The following MAOA variants were observed in gnomAD, a reference collection of about 807,000 sequenced individuals.
The protein encoded by MAOA is monoamine oxidase A.
Under a neutral mutation model 42.0 loss-of-function variants are expected in MAOA, and 6 were observed. That is an observed-to-expected ratio of 0.14 (90% confidence interval 0.08 to 0.28). The LOEUF (loss-of-function observed/expected upper bound fraction) is 0.28, where lower values mean the gene tolerates loss of function less well. Ranked by LOEUF, MAOA falls within the 10% of genes least tolerant of loss-of-function variation. The pLI, the probability that MAOA is intolerant of heterozygous loss-of-function variation, is 1.00. For missense variants in MAOA, 262 were observed against 422.3 expected (o/e 0.62, Z 3.33); for synonymous variants, 140 against 154.0 (o/e 0.91, Z 0.67).
At chrX:43,691,452 A>C (rs1398058100) in intron 2 of MAOA, among the ~76,000 whole-genome samples, 1 of 112,329 alleles carries the variant, frequency 8.9e-6, no homozygotes. Flanking sequence ...AAATGAAAAG[A>C]AGATGCCATG....
chrX:43,657,881 A>G (rs1254099551), intron 1 of MAOA: 1 of 750,591 alleles, frequency 1.3e-6, no homozygotes, highest in Non-Finnish European at 1.6e-6. Flanking sequence ...AGAGATTGGC[A>G]TGAACTGTTG....
rs2033391703 is a variant in MAOA, at chrX:43,675,995, G to T, written c.74-7518G>T. On this transcript the variant is annotated intron_variant, in intron 1 of 14. Coordinates refer to ENST00000338702, the MANE Select transcript of MAOA (RefSeq NM_000240.4). ...AAAACTGTCAGACAGGGACATTTAAGTCTGCAGAGGTTACTGCTGTCTTTT... is the reference window on the plus strand; with the variant it reads ...AAAACTGTCAGACAGGGACATTTAATTCTGCAGAGGTTACTGCTGTCTTTT... Among the ~76,000 whole-genome samples the T allele has an allele frequency of 1.8e-5, 2 of 112,302 alleles. 1 individual carries two copies. The highest frequency in any genetic ancestry group is 7.3e-4 in the South Asian group (2 of 2,733).
chrX:43,696,397 A>C (rs2033579024), intron 3 of MAOA, among the ~76,000 whole-genome samples: 1 of 112,389 alleles, frequency 8.9e-6, no homozygotes, highest in South Asian at 3.6e-4. Context: ...TGGTAGCCCG[A>C]GGCTGCTTTC....
intron 5 of MAOA, among the ~76,000 whole-genome samples, chrX:43,725,126 G>T (rs1050967252): frequency 8.9e-6 from 1 of 111,863 alleles, no homozygotes; most frequent in East Asian, 2.8e-4. Context: ...GTGTGATGTG[G>T]TACTGAGAAG....
At chrX:43,657,977 A>G (rs1195000728) in intron 1 of MAOA, 34 of 683,835 alleles carry the variant, frequency 5.0e-5, no homozygotes, top group Non-Finnish European at 1.7e-6. Context: ...AGAGTAAGAA[A>G]AAGGAGTATT....
chrX:43,672,226 G>A (rs1194612599), intron 1 of MAOA, among the ~76,000 whole-genome samples: 33 of 110,977 alleles, frequency 3.0e-4, no homozygotes, highest in African/African-American at 9.8e-4. Flanking sequence ...GAGTTCACTC[G>A]TGATTTGGCT....
At chrX:43,682,308 A>T (rs2310884) in intron 1 of MAOA, among the ~76,000 whole-genome samples, 2,303 of 111,418 alleles carry the variant, frequency 0.021, 37 homozygotes, top group Admixed American at 0.075. Flanking sequence ...CAATGAAGAA[A>T]TGCCTGATTC....
intron 6 of MAOA, 62 bp downstream of exon 6, chrX:43,728,376 G>A: frequency 2.7e-6 from 3 of 1,111,748 alleles, no homozygotes; most frequent in Non-Finnish European, 3.7e-6. Context: ...CTTTCTCCCA[G>A]GGCAGTGTCT....
intron 12 of MAOA, among the ~76,000 whole-genome samples, chrX:43,742,745 G>C (rs2033968900): frequency 8.9e-6 from 1 of 112,026 alleles, no homozygotes; most frequent in Admixed American, 9.4e-5. Flanking sequence ...TGGGAGGGGA[G>C]GCACTTTTAG....
intron 1 of MAOA, among the ~76,000 whole-genome samples, chrX:43,667,261 G>A (rs1246631277): frequency 2.7e-5 from 3 of 111,281 alleles, no homozygotes; most frequent in South Asian, 3.8e-4. Context: ...TATCTTCATA[G>A]CACTTAATAT....
intron 2 of MAOA, among the ~76,000 whole-genome samples, chrX:43,686,834 T>C (rs2033492063): frequency 1.8e-5 from 2 of 111,667 alleles, no homozygotes; most frequent in Admixed American, 1.9e-4. Flanking sequence ...GAAACAGGCA[T>C]GAAAATTGTA....
chrX:43,707,482 C>T (rs991939503), intron 3 of MAOA, among the ~76,000 whole-genome samples: 2 of 111,635 alleles, frequency 1.8e-5, no homozygotes, highest in Non-Finnish European at 3.8e-5. Flanking sequence ...AAAGGACAGA[C>T]GTCTCCATGT....
Position 43,728,284 on chromosome X carries a change from T to G in MAOA, c.615T>G (p.Thr205=), listed in dbSNP as rs750372802. The G allele has an allele frequency of 1.7e-6, 2 of 1,211,387 alleles. No individual in the cohort carries two copies. The highest frequency in any genetic ancestry group is 3.5e-5 in the African/African-American group (2 of 57,721). The part of the protein sequence containing the change: ...LWYVKQCGGT[T]RIFSVTNGGQ... ...ATGTGAAGCAGTGCGGGGGCACCAC[T>G]CGGATATTCTCTGTCACCAATGGTG... is the stretch of plus-strand genomic sequence containing the variant. Residue 205 remains threonine (T), a synonymous_variant, in exon 6 of 15, where the codon ACT becomes ACG. Transcript: ENST00000338702.
chrX:43,656,214 C>T (rs2033177683), upstream of MAOA: 1 of 580,979 alleles, frequency 1.7e-6, no homozygotes. Context: ...GTGCCCGGCT[C>T]CCCCCGGGTA....
At chrX:43,674,132 G>A (rs1426768350) in intron 1 of MAOA, among the ~76,000 whole-genome samples, 3 of 111,571 alleles carry the variant, frequency 2.7e-5, no homozygotes, top group African/African-American at 9.8e-5. Context: ...GGGTGCTCCT[G>A]TATTGGGTGC....
intron 5 of MAOA, among the ~76,000 whole-genome samples, chrX:43,723,405 A>G (rs886485581): frequency 1.8e-5 from 2 of 111,482 alleles, no homozygotes; most frequent in Non-Finnish European, 3.8e-5. Flanking sequence ...GGTCCTTCAC[A>G]TCCCTTATAA....
chrX:43,681,055 T>C (rs1375924800), intron 1 of MAOA, among the ~76,000 whole-genome samples: 2 of 111,104 alleles, frequency 1.8e-5, no homozygotes, highest in South Asian at 3.8e-4. Context: ...CTAAGTCTTT[T>C]TGACAGAATC....
chrX:43,714,515 G>A (rs767253110), intron 5 of MAOA, among the ~76,000 whole-genome samples: 17 of 110,610 alleles, frequency 1.5e-4, no homozygotes, highest in African/African-American at 2.6e-4. Context: ...TGGATGTTGC[G>A]GGGATATCAT....
At chrX:43,712,867 T>G (rs1351229323) in intron 5 of MAOA, 71 bp downstream of exon 5, 2 of 738,272 alleles carry the variant, frequency 2.7e-6, no homozygotes, top group Non-Finnish European at 4.2e-6. Flanking sequence ...TGCCTTGAAC[T>G]GCAGTGCTTT....
Sources: allele counts gnomAD v4.1 joint callset (sites outside exome capture counted in the v4.1 genomes callset), GRCh38; gene constraint gnomAD v4.1.1; transcripts MANE v1.5; gene names NCBI Gene and HGNC (gene_info 2026-07-23, HGNC 2026-07-21).